Variants in LINC00632 observed in about 807,000 individuals in gnomAD.
The protein encoded by LINC00632 is long independently transcribed non-coding RNA 632, also known as ALDOA related specific transcript.
chrX:140,742,618 T>A (rs1037154554), intron 3 of LINC00632, among the ~76,000 whole-genome samples: 1 of 110,571 alleles, frequency 9.0e-6, no homozygotes, highest in Admixed American at 9.8e-5. Flanking sequence ...ATAAAAAAAA[T>A]CAAACTACTT....
exon 5 of LINC00632, among the ~76,000 whole-genome samples, chrX:140,776,650 C>T (rs750926551): frequency 2.2e-4 from 24 of 111,591 alleles, no homozygotes; most frequent in Admixed American, 8.5e-4. Context: ...GGATAGATGC[C>T]GGAGAGGATG....
At position 140,788,102 on chromosome X, in the gene LINC00632, G is replaced by T. The variant is rs185427981; in HGVS notation, n.16121G>T. Among the ~76,000 whole-genome samples the T allele has an allele frequency of 8.3e-3, 906 of 109,115 alleles. 1 individual carries two copies. Among genetic ancestry groups the T allele is most frequent in the Non-Finnish European group, 0.014 (735 of 52,257 alleles). 94.8% of individuals were successfully genotyped at this position (109,115 alleles called of 115,157 possible). A position where few individuals can be genotyped will look rare whatever the true frequency, so the allele number is the denominator to read the frequency against. ...GTAAAACTAAGCACTATATTATTTA[G>T]GGCTACATACACATAGCATACAAAT... On this transcript the variant is annotated non_coding_transcript_exon_variant, in exon 5 of 5. Transcript: ENST00000648200.
At chrX:140,741,075 T>G (rs1913816249) in intron 3 of LINC00632, among the ~76,000 whole-genome samples, 1 of 112,068 alleles carries the variant, frequency 8.9e-6, no homozygotes, top group Admixed American at 9.5e-5. Context: ...GTTTCTAGTT[T>G]CTCATCTATA....
intron 3 of LINC00632, among the ~76,000 whole-genome samples, chrX:140,758,461 C>A (rs1285541304): frequency 1.9e-5 from 2 of 106,978 alleles, no homozygotes; most frequent in African/African-American, 6.8e-5. Context: ...GCAGCCTCCG[C>A]CTCCCAGGTT....
intron 2 of LINC00632, among the ~76,000 whole-genome samples, chrX:140,717,618 C>T (rs1342680363): frequency 9.0e-6 from 1 of 111,231 alleles, no homozygotes. Flanking sequence ...AAGACAAAGA[C>T]TAGCCTCAAC....
At chrX:140,788,911 ATATGTG>A (rs758868671) in exon 5 of LINC00632, among the ~76,000 whole-genome samples, 10,832 of 20,354 alleles carry the variant, frequency 0.53, 608 homozygotes, top group South Asian at 0.65. Context: ...GTATATATAT[ATATGTG>A]TGTGTGTGTG....
In LINC00632 at chrX:140,752,236, C is replaced by T. The variant is rs746511392; in HGVS notation, n.191+18272C>T. ...TTTTCAGCAATCTCTGCTATTTCCACGTCTGAATAGTCAGTAGCGACATCA... is the reference window on the plus strand; with the variant it reads ...TTTTCAGCAATCTCTGCTATTTCCATGTCTGAATAGTCAGTAGCGACATCA... On this transcript the variant is annotated intron_variant and non_coding_transcript_variant, in intron 3 of 4. Coordinates refer to ENST00000648200, the Ensembl canonical transcript of LINC00632. Among the ~76,000 whole-genome samples the T allele has an allele frequency of 2.7e-5, 3 of 111,927 alleles. No individual in the cohort carries two copies. The South Asian group carries it at 1.1e-3, about 42-fold the overall frequency.
intron 2 of LINC00632, among the ~76,000 whole-genome samples, chrX:140,724,542 T>TAC (rs751545058): frequency 2.7e-4 from 7 of 25,807 alleles, no homozygotes; most frequent in Admixed American, 1.7e-3. Context: ...ACACATTCCA[T>TAC]ACACACACAC....
chrX:140,712,212 C>T (rs1930529453), intron 2 of LINC00632: 1 of 109,440 alleles, frequency 9.1e-6, no homozygotes, highest in Non-Finnish European at 1.9e-5. Context: ...CAGATTAGGG[C>T]AGTATTTTAA....
chrX:140,758,372 CTTT>C (rs35668777), intron 3 of LINC00632, among the ~76,000 whole-genome samples: 1,793 of 69,734 alleles, frequency 0.026, 35 homozygotes, highest in African/African-American at 0.074. Context: ...CTACATTTTC[CTTT>C]TTTTTTTTTT....
chrX:140,780,615 G>T lies in LINC00632; in HGVS notation n.8634G>T, dbSNP rs779096597. The stretch of plus-strand genomic sequence containing the variant: ...AGGGGTAAAGATAAAGCTAAATAGG[G>T]CCTGCTTTGCTTGACCACCAAAATA... On this transcript the variant is annotated non_coding_transcript_exon_variant, in exon 5 of 5. Coordinates refer to ENST00000648200, the Ensembl canonical transcript of LINC00632. Among the ~76,000 whole-genome samples the T allele has an allele frequency of 2.7e-5, 3 of 111,471 alleles. No individual in the cohort carries two copies. In the South Asian group the frequency reaches 1.1e-3, roughly 42 times the overall value.
chrX:140,734,377 C>T (rs1431525514), intron 3 of LINC00632, among the ~76,000 whole-genome samples: 4 of 111,130 alleles, frequency 3.6e-5, no homozygotes, highest in African/African-American at 1.3e-4. Context: ...CAAATTTTTG[C>T]ATGCAATGAA....
chrX:140,778,597 C>CTG (rs770091840), exon 5 of LINC00632, among the ~76,000 whole-genome samples: 6 of 101,388 alleles, frequency 5.9e-5, no homozygotes, highest in Non-Finnish European at 1.2e-4. Flanking sequence ...GGATGAGACT[C>CTG]TGTCTAAACA....
rs1931979541 is a variant in LINC00632, at chrX:140,784,078, C to T, written n.12097C>T. ...AAATCCGTGTCTTCCAGCAAGTCCACGTCTTCCAACAAAGCCATGTCTTCC... is the reference window on the plus strand; with the variant it reads ...AAATCCGTGTCTTCCAGCAAGTCCATGTCTTCCAACAAAGCCATGTCTTCC... On this transcript the variant is annotated non_coding_transcript_exon_variant, in exon 5 of 5. Transcript: ENST00000648200. The T allele has an allele frequency of 3.3e-6, 4 of 1,211,222 alleles. No individual in the cohort carries two copies. In the East Asian group the frequency reaches 1.2e-4, roughly 36 times the overall value.
intron 3 of LINC00632, among the ~76,000 whole-genome samples, chrX:140,744,638 T>C (rs1931297769): frequency 9.4e-6 from 1 of 106,884 alleles, no homozygotes; most frequent in African/African-American, 3.4e-5. Flanking sequence ...GGTGCGATCT[T>C]GGCTCACTGC....
At chrX:140,785,225 A>G (rs1932002711) in exon 5 of LINC00632, among the ~76,000 whole-genome samples, 1 of 110,948 alleles carries the variant, frequency 9.0e-6, no homozygotes, top group Admixed American at 9.6e-5. Flanking sequence ...ACAACACTTA[A>G]CATAGCATTT....
intron 3 of LINC00632, among the ~76,000 whole-genome samples, chrX:140,740,456 C>A (rs1162512740): frequency 9.0e-6 from 1 of 110,820 alleles, no homozygotes; most frequent in Non-Finnish European, 1.9e-5. Flanking sequence ...AACATAAAAT[C>A]GAGATTTGTC....
At chrX:140,753,389 T>G (rs1931439161) in intron 3 of LINC00632, among the ~76,000 whole-genome samples, 1 of 111,792 alleles carries the variant, frequency 8.9e-6, no homozygotes, top group Non-Finnish European at 1.9e-5. Context: ...CCTTTATTTT[T>G]TTATACAGGG....
In LINC00632 at chrX:140,791,019, T is replaced by C. The variant is rs1228721850; in HGVS notation, n.19038T>C. ...TCTTTTAGCACATTGGTAAAGACTT[T>C]ATAACTTCCAGGACAATGCAGATTG... is the stretch of plus-strand genomic sequence containing the variant. On this transcript the variant is annotated non_coding_transcript_exon_variant, in exon 5 of 5. Transcript: ENST00000648200. Among the ~76,000 whole-genome samples the C allele has an allele frequency of 2.7e-5, 3 of 111,765 alleles. No individual in the cohort carries two copies. The East Asian group carries it at 8.4e-4, about 31-fold the overall frequency.
Sources: allele counts gnomAD v4.1 joint callset (sites outside exome capture counted in the v4.1 genomes callset), GRCh38; gene constraint gnomAD v4.1.1; transcripts MANE v1.5; gene names NCBI Gene and HGNC (gene_info 2026-07-23, HGNC 2026-07-21).